The following LRRC4C variants were observed in gnomAD, a reference collection of about 807,000 sequenced individuals.
The protein encoded by LRRC4C is leucine-rich repeat-containing protein 4C.
LRRC4C carries 5 observed loss-of-function variants against 33.6 expected under a neutral mutation model. The observed-to-expected ratio is 0.15, with a 90% CI of 0.08 to 0.31. LRRC4C has a LOEUF of 0.31. Among genes scored for constraint, LRRC4C ranks in the 10% least tolerant of loss-of-function variants. The pLI is 1.00. For synonymous variants in LRRC4C, 329 were observed against 302.0 expected (o/e 1.09, Z -0.93); for missense variants, 560 against 796.7 (o/e 0.70, Z 3.58).
At chr11:40,254,768 G>C (rs568127746) in intron 4 of LRRC4C, among the ~76,000 whole-genome samples, 1 of 152,224 alleles carries the variant, frequency 6.6e-6, no homozygotes, top group African/African-American at 2.4e-5. Context: ...GAGGGAGAGA[G>C]ACAGAAAGAG....
intron 1 of LRRC4C, among the ~76,000 whole-genome samples, chr11:41,228,646 T>C (rs1245782950): frequency 6.6e-6 from 1 of 152,202 alleles, no homozygotes; most frequent in African/African-American, 2.4e-5. Flanking sequence ...AAGATTGATA[T>C]CTTTTTTTGC....
At chr11:40,621,191 G>C (rs1428590084) in intron 3 of LRRC4C, among the ~76,000 whole-genome samples, 2 of 151,602 alleles carry the variant, frequency 1.3e-5, no homozygotes, top group Non-Finnish European at 3.0e-5. Flanking sequence ...TGCACCAAGA[G>C]TGAGCTTCTT....
chr11:40,574,803 A>C (rs1958120908), intron 3 of LRRC4C, among the ~76,000 whole-genome samples: 1 of 152,066 alleles, frequency 6.6e-6, no homozygotes, highest in South Asian at 2.1e-4. Flanking sequence ...TATTCATTCA[A>C]TTTCTTTCCA....
intron 1 of LRRC4C, among the ~76,000 whole-genome samples, chr11:41,351,930 G>A (rs182724787): frequency 1.7e-3 from 252 of 152,126 alleles, no homozygotes; most frequent in African/African-American, 5.7e-3. Context: ...AATACACTTC[G>A]GTACATAGAT....
intron 2 of LRRC4C, among the ~76,000 whole-genome samples, chr11:40,800,514 C>T (rs553762110): frequency 6.6e-6 from 1 of 152,312 alleles, no homozygotes; most frequent in African/African-American, 2.4e-5. Context: ...CACAATCACA[C>T]TTTTGCATTT....
At position 41,321,644 on chromosome 11, in the gene LRRC4C, G is replaced by T. The variant is rs1044774535; in HGVS notation, c.-496+137787C>A. ...TTCACTCATGTAGTCCCAGTAATGAGACCAGGGTAGATACCACTATTATCA... is the reference window on the plus strand; with the variant it reads ...TTCACTCATGTAGTCCCAGTAATGATACCAGGGTAGATACCACTATTATCA... On this transcript the variant is annotated intron_variant, in intron 1 of 6. Transcript: ENST00000528697. 4.6e-5 allele frequency among the ~76,000 whole-genome samples: 7 copies of T among 152,210 alleles called. No individual in the cohort carries two copies. The East Asian group carries it at 7.7e-4, about 17-fold the overall frequency.
intron 2 of LRRC4C, among the ~76,000 whole-genome samples, chr11:40,896,368 C>T (rs1330271786): frequency 3.9e-5 from 6 of 152,186 alleles, no homozygotes; most frequent in African/African-American, 1.2e-4. Flanking sequence ...ATTTCCAGAT[C>T]GCCTTGAGCT....
intron 3 of LRRC4C, among the ~76,000 whole-genome samples, chr11:40,610,203 C>A (rs576584157): frequency 6.6e-5 from 10 of 151,958 alleles, no homozygotes; most frequent in African/African-American, 2.4e-4. Context: ...GGAATTTTCT[C>A]CTGGAGTACC....
In LRRC4C at chr11:41,390,998, A is replaced by T. The variant is rs541198050; in HGVS notation, c.-496+68433T>A. On this transcript the variant is annotated intron_variant, in intron 1 of 6. Coordinates refer to ENST00000528697, the MANE Select transcript of LRRC4C (RefSeq NM_001258419.2). Reference sequence around the variant, plus strand: ...TTGCTTTAATTAAAAAAAAAAAAAAAGTGTCCTGCCTTGGGCCATATAAGT... The same window carrying T: ...TTGCTTTAATTAAAAAAAAAAAAAATGTGTCCTGCCTTGGGCCATATAAGT... Among the ~76,000 whole-genome samples, 202 of 151,256 alleles carry T rather than the reference A, an allele frequency of 1.3e-3. 2 individuals are homozygous for T. Among genetic ancestry groups the T allele is most frequent in the African/African-American group, 4.8e-3 (199 of 41,352 alleles).
chr11:40,427,625 C>A (rs1000916288), intron 3 of LRRC4C, among the ~76,000 whole-genome samples: 7 of 152,082 alleles, frequency 4.6e-5, no homozygotes, highest in Non-Finnish European at 8.8e-5. Flanking sequence ...GCCAGGAATT[C>A]GAAACCAGAG....
intron 1 of LRRC4C, among the ~76,000 whole-genome samples, chr11:41,184,753 A>G (rs985185163): frequency 2.0e-5 from 3 of 149,794 alleles, no homozygotes; most frequent in Admixed American, 1.3e-4. Flanking sequence ...ACTGGTACCA[A>G]TTTACTTTAT....
intron 2 of LRRC4C, among the ~76,000 whole-genome samples, chr11:40,916,946 GA>G (rs1380179347): frequency 1.3e-5 from 2 of 151,922 alleles, no homozygotes; most frequent in African/African-American, 4.8e-5. Flanking sequence ...TTTCTTAGAA[GA>G]AAACTAAATA....
intron 1 of LRRC4C, among the ~76,000 whole-genome samples, chr11:40,936,494 A>G (rs1026480453): frequency 6.6e-6 from 1 of 151,444 alleles, no homozygotes; most frequent in Non-Finnish European, 1.5e-5. Flanking sequence ...CCGCCACCAC[A>G]GCTGGCTAAT....
At chr11:40,285,924 A>G (rs987081627) in intron 4 of LRRC4C, among the ~76,000 whole-genome samples, 1 of 152,142 alleles carries the variant, frequency 6.6e-6, no homozygotes, top group African/African-American at 2.4e-5. Flanking sequence ...AACCTTAGAC[A>G]AATCACTTAG....
At chr11:40,336,550 T>G (rs963660793) in intron 3 of LRRC4C, among the ~76,000 whole-genome samples, 1 of 152,176 alleles carries the variant, frequency 6.6e-6, no homozygotes, top group Non-Finnish European at 1.5e-5. Flanking sequence ...AACTATCCTC[T>G]ACTGTATTAC....
chr11:40,955,456 TA>T (rs956873703), intron 1 of LRRC4C, among the ~76,000 whole-genome samples: 2 of 151,720 alleles, frequency 1.3e-5, no homozygotes, highest in African/African-American at 2.4e-5. Context: ...AAAATTGAAA[TA>T]AAAAACCCTA....
At chr11:40,940,738 C>G (rs1958103548) in intron 1 of LRRC4C, among the ~76,000 whole-genome samples, 1 of 152,062 alleles carries the variant, frequency 6.6e-6, no homozygotes, top group African/African-American at 2.4e-5. Context: ...CTCTGATACT[C>G]AAACTTTACT....
intron 1 of LRRC4C, among the ~76,000 whole-genome samples, chr11:41,436,595 C>G (rs188516989): frequency 1.8e-3 from 277 of 152,330 alleles, no homozygotes; most frequent in Non-Finnish European, 3.2e-3. Flanking sequence ...GACTGACCAG[C>G]CTCCACTGTC....
At chr11:40,859,802 C>T (rs1033936110) in intron 2 of LRRC4C, among the ~76,000 whole-genome samples, 3 of 152,266 alleles carry the variant, frequency 2.0e-5, no homozygotes, top group East Asian at 1.9e-4. Flanking sequence ...TGAGGCCGGA[C>T]GCGGTGGCTC....
Sources: gnomAD v4.1 joint callset for allele counts (sites outside exome capture counted in the v4.1 genomes callset) on GRCh38, gnomAD v4.1.1 for gene constraint, MANE v1.5 for transcripts, NCBI Gene and HGNC (gene_info 2026-07-23, HGNC 2026-07-21) for gene names.